The following CDC42EP4 variants were observed in gnomAD, a reference collection of about 807,000 sequenced individuals.
CDC42EP4 encodes the protein CDC42 effector protein 4, also known as CDC42 effector protein (Rho GTPase binding) 4.
CDC42EP4 carries 6 observed loss-of-function variants against 5.6 expected under a neutral mutation model. That is an observed-to-expected ratio of 1.07 (90% CI 0.59 to 2.12). The LOEUF is 2.12. CDC42EP4 is among the 30% of genes most tolerant of loss of function. CDC42EP4 has a pLI of 0.00. For missense variants in CDC42EP4, 490 were observed against 508.6 expected (o/e 0.96, Z 0.35); for synonymous variants, 230 against 224.2 (o/e 1.03, Z -0.23).
At chr17:73,291,004 A>C (rs2047468) in intron 1 of CDC42EP4, among the ~76,000 whole-genome samples, 147,335 of 152,238 alleles carry the variant, frequency 0.97, 71,468 homozygotes, top group East Asian at 1. Flanking sequence ...TAGCCACACC[A>C]CCCAGCACAT....
rs1368347825 is a variant in CDC42EP4 at position 73,293,565 on chromosome 17, CG to C, written c.-112-6954del. Among the ~76,000 whole-genome samples, 4 of 152,292 alleles carry C rather than the reference CG, an allele frequency of 2.6e-5. No individual in the cohort carries two copies. The East Asian group carries it at 7.7e-4, about 29-fold the overall frequency. On this transcript the variant is annotated intron_variant, in intron 1 of 1. Transcript: ENST00000335793. Reference sequence around the variant, plus strand: ...GAGGGGCTGACATCCTACCCCTAGGCGGAACTTCACTTTGCCGAAACACAGG... The same window carrying C: ...GAGGGGCTGACATCCTACCCCTAGGCGAACTTCACTTTGCCGAAACACAGG...
chr17:73,305,374 C>CTCGGGAGTGA (rs950903101), intron 1 of CDC42EP4, among the ~76,000 whole-genome samples: 5 of 152,234 alleles, frequency 3.3e-5, no homozygotes, highest in Non-Finnish European at 5.9e-5. Context: ...CTCCCTCCTG[C>CTCGGGAGTGA]TCGGGAGTGA....
chr17:73,288,927 G>A (rs1303759061), intron 1 of CDC42EP4, among the ~76,000 whole-genome samples: 1 of 152,306 alleles, frequency 6.6e-6, no homozygotes, highest in South Asian at 2.1e-4. Flanking sequence ...TGACGTGGGC[G>A]AGGACGTGAG....
chr17:73,298,547 T>C (rs1409497094), intron 1 of CDC42EP4, among the ~76,000 whole-genome samples: 1 of 152,200 alleles, frequency 6.6e-6, no homozygotes, highest in Non-Finnish European at 1.5e-5. Context: ...TAGCTCTAGC[T>C]TGGCTAGACT....
rs2062118181 is a variant in CDC42EP4, at chr17:73,284,389, A to C, written c.*1041T>G. 1 of 152,190 alleles carries C rather than the reference A, an allele frequency of 6.6e-6. No homozygotes were observed. Among genetic ancestry groups the C allele is most frequent in the South Asian group, 2.1e-4 (1 of 4,830 alleles). 9.4% of individuals were successfully genotyped at this position (152,190 alleles called of 1,614,324 possible). A position where few individuals can be genotyped will look rare whatever the true frequency, so the allele number is the denominator to read the frequency against. ...AAATCGTTCTCCAAAAATATTCTGC[A>C]CTGGCCTTCCTCAGTTGTTAATAGC... On this transcript the variant is annotated 3_prime_UTR_variant, in exon 2 of 2. Coordinates refer to ENST00000335793, the MANE Select transcript of CDC42EP4 (RefSeq NM_012121.5).
intron 1 of CDC42EP4, among the ~76,000 whole-genome samples, chr17:73,295,140 G>A (rs573267822): frequency 2.0e-5 from 3 of 152,120 alleles, no homozygotes; most frequent in South Asian, 4.1e-4. Flanking sequence ...TACTCCTTGG[G>A]GTGCTAAAAT....
In CDC42EP4 at chr17:73,286,757, C is replaced by A. The variant is rs116755975; in HGVS notation, c.-112-145G>T. On this transcript the variant is annotated intron_variant, in intron 1 of 1. Coordinates refer to ENST00000335793, the MANE Select transcript of CDC42EP4 (RefSeq NM_012121.5). This position sits in a 1 kb window ranked among gnomAD's most constrained non-coding sequence, Gnocchi z 7.7. ...AATAAGCCAGCAATCCATGGTATAA[C>A]CCTGCCTGTTTCTTCATCCGCAGGC... is the stretch of plus-strand genomic sequence containing the variant. The A allele has an allele frequency of 3.5e-3, 1,686 of 476,608 alleles. 30 individuals are homozygous for A. The highest frequency in any genetic ancestry group is 0.029 in the African/African-American group (1,522 of 52,482). The allele number at this position is 476,608 out of a possible 1,614,324, so 29.5% of individuals were successfully genotyped here. A position where few individuals can be genotyped will look rare whatever the true frequency, so the allele number is the denominator to read the frequency against.
chr17:73,287,877 G>T (rs1354064540), intron 1 of CDC42EP4, among the ~76,000 whole-genome samples: 1 of 152,100 alleles, frequency 6.6e-6, no homozygotes, highest in Non-Finnish European at 1.5e-5. Flanking sequence ...AGCCTGACAG[G>T]TCTCCCTGTT....
chr17:73,297,882 C>T (rs1166454297), intron 1 of CDC42EP4, among the ~76,000 whole-genome samples: 4 of 151,814 alleles, frequency 2.6e-5, no homozygotes. Flanking sequence ...TGGTCTTGAA[C>T]TCCTGACCTC....
At chr17:73,289,719 AAGGGAGGAAGGGAGGGAGGGAGGAAGGG>A (rs781023456) in intron 1 of CDC42EP4, among the ~76,000 whole-genome samples, 1 of 65,936 alleles carries the variant, frequency 1.5e-5, no homozygotes. Context: ...AGAAAACAGG[AAGGGAGGAAGGGAGGGAGGGAGGAAGGG>A]AGGGAGGAAG....
intron 1 of CDC42EP4, among the ~76,000 whole-genome samples, chr17:73,296,073 C>T (rs950318841): frequency 1.3e-5 from 2 of 151,458 alleles, no homozygotes; most frequent in African/African-American, 4.9e-5. Context: ...TTTGTTGAAG[C>T]CTTATTCATA....
intron 1 of CDC42EP4, among the ~76,000 whole-genome samples, chr17:73,299,872 A>G (rs1203576935): frequency 6.6e-6 from 1 of 151,880 alleles, no homozygotes; most frequent in Non-Finnish European, 1.5e-5. Flanking sequence ...GATTTCTCTT[A>G]CCCAGGAGCC....
chr17:73,300,413 A>C (rs2062212453), intron 1 of CDC42EP4, among the ~76,000 whole-genome samples: 1 of 152,144 alleles, frequency 6.6e-6, no homozygotes, highest in African/African-American at 2.4e-5. Context: ...GGGATCATAG[A>C]GTGACCTGGA....
chr17:73,301,079 C>G (rs950177482), intron 1 of CDC42EP4, among the ~76,000 whole-genome samples: 4 of 150,744 alleles, frequency 2.7e-5, no homozygotes, highest in African/African-American at 7.3e-5. Flanking sequence ...AAAAATCTGG[C>G]AAGTCCAAAT....
At position 73,296,980 on chromosome 17, in the gene CDC42EP4, CAAAA is replaced by C. The variant is rs35158994; in HGVS notation, c.-112-10372_-112-10369del. Among the ~76,000 whole-genome samples, 87 of 18,138 alleles carry C rather than the reference CAAAA, an allele frequency of 4.8e-3. 7 individuals carry two copies. The highest frequency in any genetic ancestry group is 0.029 in the East Asian group (21 of 720). 11.9% of individuals were successfully genotyped at this position (18,138 alleles called of 152,430 possible). A position where few individuals can be genotyped will look rare whatever the true frequency, so the allele number is the denominator to read the frequency against. Reference sequence around the variant, plus strand: ...TGGGCGAAAGAGCAAGACTCCGTCTCAAAAAAAAAAAAAAAAAAAAAAAATACAC... The same window carrying C: ...TGGGCGAAAGAGCAAGACTCCGTCTCAAAAAAAAAAAAAAAAAAAATACAC... On this transcript the variant is annotated intron_variant, in intron 1 of 1. Transcript: ENST00000335793.
intron 1 of CDC42EP4, among the ~76,000 whole-genome samples, chr17:73,296,123 C>T (rs1211810479): frequency 2.7e-5 from 4 of 150,176 alleles, no homozygotes; most frequent in Non-Finnish European, 5.9e-5. Flanking sequence ...CAGTGGCTCA[C>T]GCCTGTAATC....
At chr17:73,289,014 C>T (rs573380179) in intron 1 of CDC42EP4, among the ~76,000 whole-genome samples, 1 of 152,330 alleles carries the variant, frequency 6.6e-6, no homozygotes, top group African/African-American at 2.4e-5. Flanking sequence ...AAGTGACCTT[C>T]CCCTAACTCT....
rs2062118752 is a variant in CDC42EP4 at position 73,284,472 on chromosome 17, A to G, written c.*958T>C. ...AGACACCCACCCCATGTCATTCTAAATAAAGTTGGGAAGCACTAAAGTTGA... is the reference window on the plus strand; with the variant it reads ...AGACACCCACCCCATGTCATTCTAAGTAAAGTTGGGAAGCACTAAAGTTGA... On this transcript the variant is annotated 3_prime_UTR_variant, in exon 2 of 2. Coordinates refer to ENST00000335793, the MANE Select transcript of CDC42EP4 (RefSeq NM_012121.5). 6.6e-6 allele frequency: 1 copy of G among 152,206 alleles called. No individual in the cohort carries two copies. Among genetic ancestry groups the G allele is most frequent in the Admixed American group, 6.5e-5 (1 of 15,276 alleles). 9.4% of individuals were successfully genotyped at this position (152,206 alleles called of 1,614,324 possible).
At chr17:73,299,864 T>G (rs2062209622) in intron 1 of CDC42EP4, among the ~76,000 whole-genome samples, 1 of 152,010 alleles carries the variant, frequency 6.6e-6, no homozygotes, top group South Asian at 2.1e-4. Context: ...TGAAAGGAGA[T>G]TTCTCTTACC....
Sources: gnomAD v4.1 joint callset for allele counts (sites outside exome capture counted in the v4.1 genomes callset) on GRCh38, gnomAD v4.1.1 for gene constraint, Gnocchi (gnomAD v3.1) non-coding constraint, MANE v1.5 for transcripts, NCBI Gene and HGNC (gene_info 2026-07-23, HGNC 2026-07-21) for gene names.